LRRC20: variants seen among roughly 807,000 people sequenced by gnomAD.
LRRC20 encodes leucine rich repeat containing 20.
Under a neutral mutation model 14.4 loss-of-function variants are expected in LRRC20, and 11 were observed. That is an observed-to-expected ratio of 0.77 (90% CI 0.48 to 1.27). The LOEUF (loss-of-function observed/expected upper bound fraction) is 1.27. Among genes scored for constraint, LRRC20 ranks in the 50% most tolerant of loss-of-function variants. The pLI is 0.00. For missense variants in LRRC20, 219 were observed against 251.2 expected (o/e 0.87, Z 0.87); for synonymous variants, 121 against 107.3 (o/e 1.13, Z -0.79).
intron 2 of LRRC20, among the ~76,000 whole-genome samples, chr10:70,365,053 C>CTTTTT (rs10581759): frequency 2.8e-5 from 2 of 71,430 alleles, no homozygotes; most frequent in African/African-American, 1.0e-4. Flanking sequence ...TGAGATTCAA[C>CTTTTT]TTTTTTTTTT....
intron 4 of LRRC20, among the ~76,000 whole-genome samples, chr10:70,306,903 G>A: frequency 6.6e-6 from 1 of 152,108 alleles, no homozygotes; most frequent in East Asian, 1.9e-4. Flanking sequence ...AGACTCCTAT[G>A]TTTCTAGTGA....
At chr10:70,364,451 T>A (rs1354106303) in intron 2 of LRRC20, among the ~76,000 whole-genome samples, 1 of 152,266 alleles carries the variant, frequency 6.6e-6, no homozygotes, top group African/African-American at 2.4e-5. Context: ...CAGTGGCAAT[T>A]TCTGAACGAA....
chr10:70,335,874 T>C (rs1465998117), intron 3 of LRRC20, among the ~76,000 whole-genome samples: 1 of 152,256 alleles, frequency 6.6e-6, no homozygotes, highest in Non-Finnish European at 1.5e-5. Context: ...ATCCACATTT[T>C]AAGCCATTTC....
At chr10:70,356,986 T>C (rs1843551535) in intron 2 of LRRC20, among the ~76,000 whole-genome samples, 1 of 152,238 alleles carries the variant, frequency 6.6e-6, no homozygotes, top group Non-Finnish European at 1.5e-5. Flanking sequence ...ATAAAGGACA[T>C]GTCATATATC....
chr10:70,354,228 G>C (rs1465289124), intron 2 of LRRC20, among the ~76,000 whole-genome samples: 1 of 152,074 alleles, frequency 6.6e-6, no homozygotes, highest in African/African-American at 2.4e-5. Context: ...GGAAGGGAGG[G>C]TAAAAGCTCC....
chr10:70,341,764 T>A (rs1411435248), intron 2 of LRRC20, among the ~76,000 whole-genome samples: 1 of 151,756 alleles, frequency 6.6e-6, no homozygotes, highest in African/African-American at 2.4e-5. Flanking sequence ...CAAGACTCCG[T>A]CTCCCCACCA....
chr10:70,359,050 G>A (rs1843626689), intron 2 of LRRC20, among the ~76,000 whole-genome samples: 1 of 152,166 alleles, frequency 6.6e-6, no homozygotes, highest in Non-Finnish European at 1.5e-5. Flanking sequence ...TTCAAAGCAA[G>A]AAACACACTA....
At position 70,317,478 on chromosome 10, in the gene LRRC20, C is replaced by T. The variant is rs1385758430; in HGVS notation, c.400+6385G>A. On this transcript the variant is annotated intron_variant, in intron 4 of 4. Transcript: ENST00000446961. ...CCTTGAACTCCTGGGCTCAAGTACTCCTCTTGCTTCAGTCTCCTGAGTAGC... is the reference window on the plus strand; with the variant it reads ...CCTTGAACTCCTGGGCTCAAGTACTTCTCTTGCTTCAGTCTCCTGAGTAGC... 2.6e-5 allele frequency among the ~76,000 whole-genome samples: 4 copies of T among 152,194 alleles called. No homozygotes were observed. The South Asian group carries it at 6.2e-4, about 24-fold the overall frequency.
Position 70,300,947 on chromosome 10 carries a change from G to A in LRRC20, c.*407C>T, listed in dbSNP as rs150831960. On this transcript the variant is annotated 3_prime_UTR_variant, in exon 5 of 5. Transcript: ENST00000446961. ...GCACTAAAAACAAGGCCTCAAACCC[G>A]CAGGGGCTCAGAAAATACCTGGCAA... is the stretch of plus-strand genomic sequence containing the variant. The A allele has an allele frequency of 4.9e-5, 49 of 997,868 alleles. No homozygotes were observed. The East Asian group carries it at 6.4e-4, about 13-fold the overall frequency. The allele number at this position is 997,868 out of a possible 1,614,324, so 61.8% of individuals were successfully genotyped here. A position where few individuals can be genotyped will look rare whatever the true frequency, so the allele number is the denominator to read the frequency against.
chr10:70,361,310 G>A (rs550847056), intron 2 of LRRC20, among the ~76,000 whole-genome samples: 7 of 152,370 alleles, frequency 4.6e-5, no homozygotes, highest in South Asian at 2.1e-4. Context: ...CACTGTCCGA[G>A]GATATGATGG....
chr10:70,334,433 C>T (rs749885182), intron 3 of LRRC20, among the ~76,000 whole-genome samples: 1 of 152,156 alleles, frequency 6.6e-6, no homozygotes, highest in Non-Finnish European at 1.5e-5. Context: ...CCCTTGCTCC[C>T]CGGGTTTGGA....
Position 70,369,194 on chromosome 10 carries a change from G to A in LRRC20, c.82+7258C>T, listed in dbSNP as rs953354648. 6.6e-4 allele frequency among the ~76,000 whole-genome samples: 101 copies of A among 152,212 alleles called. 1 individual carries two copies. The highest frequency in any genetic ancestry group is 1.2e-4 in the Non-Finnish European group (8 of 68,034). ...CTGTGGTTCCAAGAAGACCTGGGAG[G>A]AGAGGCAGGTGTGTGGGTGGGAGAA... On this transcript the variant is annotated intron_variant, in intron 2 of 4. Transcript: ENST00000446961.
intron 3 of LRRC20, among the ~76,000 whole-genome samples, chr10:70,330,970 G>C (rs1469446488): frequency 6.6e-6 from 1 of 152,232 alleles, no homozygotes; most frequent in Non-Finnish European, 1.5e-5. Flanking sequence ...CGGGGACCCT[G>C]AACTGAGGTC....
At chr10:70,337,324 G>C (rs764778524) in intron 3 of LRRC20, among the ~76,000 whole-genome samples, 4 of 152,198 alleles carry the variant, frequency 2.6e-5, no homozygotes, top group Non-Finnish European at 4.4e-5. Context: ...CATCTCTCAG[G>C]GTAGGGGGAG....
At chr10:70,306,186 C>A (rs7072295) in intron 4 of LRRC20, among the ~76,000 whole-genome samples, 39,193 of 151,128 alleles carry the variant, frequency 0.26, 5,938 homozygotes, top group Non-Finnish European at 0.33. Context: ...ACCATACATA[C>A]GTCATGGCCC....
intron 1 of LRRC20, 116 bp downstream of exon 1, chr10:70,382,433 G>A (rs116319909): frequency 6.6e-6 from 1 of 152,386 alleles, no homozygotes; most frequent in African/African-American, 2.4e-5. Context: ...TGCAAAAATC[G>A]GAACACTTCT....
At chr10:70,323,218 G>C (rs1017387720) in intron 4 of LRRC20, among the ~76,000 whole-genome samples, 1 of 152,024 alleles carries the variant, frequency 6.6e-6, no homozygotes, top group African/African-American at 2.4e-5. Context: ...CCACTAGCTG[G>C]AGTTGAGGCT....
intron 4 of LRRC20, among the ~76,000 whole-genome samples, chr10:70,322,307 C>T (rs1466216386): frequency 1.3e-5 from 2 of 152,212 alleles, no homozygotes; most frequent in Admixed American, 6.5e-5. Flanking sequence ...GCACACCCAG[C>T]TCTGTTCTTG....
chr10:70,372,341 A>G (rs1412020156), intron 2 of LRRC20, among the ~76,000 whole-genome samples: 2 of 151,936 alleles, frequency 1.3e-5, no homozygotes, highest in Non-Finnish European at 2.9e-5. Flanking sequence ...TCCTACATAT[A>G]TGCACAGGTT....
Sources: gnomAD v4.1 joint callset for allele counts (sites outside exome capture counted in the v4.1 genomes callset) on GRCh38, gnomAD v4.1.1 for gene constraint, MANE v1.5 for transcripts, NCBI Gene and HGNC (gene_info 2026-07-23, HGNC 2026-07-21) for gene names.